The following PPIL6 variants were observed in gnomAD, a reference collection of about 807,000 sequenced individuals.
PPIL6 encodes peptidylprolyl isomerase like 6, also known as probable inactive peptidyl-prolyl cis-trans isomerase-like 6.
In PPIL6, 39 loss-of-function variants were observed where a neutral mutation model predicts 36.8. That is an observed-to-expected ratio of 1.06 (90% CI 0.82 to 1.38). The LOEUF (loss-of-function observed/expected upper bound fraction) is 1.38, where lower values mean the gene tolerates loss of function less well. Among genes scored for constraint, PPIL6 ranks in the 40% most tolerant of loss-of-function variants. The pLI is 0.00. For missense variants in PPIL6, 368 were observed against 379.1 expected, an observed-to-expected ratio of 0.97 and a Z score of 0.24; for synonymous variants, 123 against 134.1, an observed-to-expected ratio of 0.92 and a Z score of 0.57.
intron 5 of PPIL6, among the ~76,000 whole-genome samples, chr6:109,423,668 A>T (rs768112543): frequency 3.3e-5 from 5 of 151,960 alleles, no homozygotes; most frequent in Non-Finnish European, 7.4e-5. Context: ...AAACATGATC[A>T]TTTTTTGTGT....
chr6:109,423,236 C>T lies in PPIL6; in HGVS notation c.631+3611G>A, dbSNP rs541193606. On this transcript the variant is annotated intron_variant, in intron 5 of 7. Coordinates refer to ENST00000521072, the MANE Select transcript of PPIL6 (RefSeq NM_173672.5). ...AGAAAAAATTAGCTGGGCATGGTGG[C>T]GCGTGCCTGTATCCCAGTTACTCGG... Among the ~76,000 whole-genome samples, 493 of 152,056 alleles carry T rather than the reference C, an allele frequency of 3.2e-3. 5 individuals carry two copies. Among genetic ancestry groups the T allele is most frequent in the African/African-American group, 0.011 (472 of 41,466 alleles).
Position 109,413,140 on chromosome 6 carries a change from A to G in PPIL6, c.688+6047T>C, listed in dbSNP as rs1194341589. 6.6e-6 allele frequency among the ~76,000 whole-genome samples: 1 copy of G among 152,186 alleles called. No individual in the cohort carries two copies. The highest frequency in any genetic ancestry group is 1.5e-5 in the Non-Finnish European group (1 of 68,028). ...ACCACTGCATTCTATCCTGGGTGAC[A>G]GAGTGAGACTCTGTCTCAAAACAAA... On this transcript the variant is annotated intron_variant, in intron 6 of 7. Transcript: ENST00000521072. The surrounding 1 kb of genome is among the most constrained non-coding windows in gnomAD (Gnocchi z 4.6).
At chr6:109,436,958 T>C (rs1774482525) in intron 1 of PPIL6, among the ~76,000 whole-genome samples, 1 of 152,170 alleles carries the variant, frequency 6.6e-6, no homozygotes, top group African/African-American at 2.4e-5. Context: ...CTAAAATAAA[T>C]AAATAAATGT....
chr6:109,438,016 T>C (rs997674479), intron 1 of PPIL6, among the ~76,000 whole-genome samples: 2 of 152,270 alleles, frequency 1.3e-5, no homozygotes, highest in African/African-American at 4.8e-5. Flanking sequence ...TCCTATTCTC[T>C]ACAAATTTCA....
intron 1 of PPIL6, among the ~76,000 whole-genome samples, chr6:109,439,082 T>G (rs1774628624): frequency 6.6e-6 from 1 of 152,134 alleles, no homozygotes; most frequent in Non-Finnish European, 1.5e-5. Flanking sequence ...CCTAACATAT[T>G]TACTATCTGG....
intron 1 of PPIL6, among the ~76,000 whole-genome samples, chr6:109,438,664 C>T (rs536567106): frequency 1.3e-5 from 2 of 152,114 alleles, no homozygotes; most frequent in African/African-American, 4.8e-5. Context: ...TCTCAGCTCA[C>T]CGAAACCTCC....
At chr6:109,425,868 T>C (rs571891394) in intron 5 of PPIL6, among the ~76,000 whole-genome samples, 18 of 152,108 alleles carry the variant, frequency 1.2e-4, no homozygotes, top group African/African-American at 4.3e-4. Context: ...TGTTTTATAC[T>C]AACAAAAAAT....
intron 2 of PPIL6, among the ~76,000 whole-genome samples, chr6:109,432,896 T>C (rs2115282751): frequency 6.6e-6 from 1 of 152,306 alleles, no homozygotes; most frequent in South Asian, 2.1e-4. Flanking sequence ...GCAGATTTAA[T>C]ATCCTATTGC....
In PPIL6 at chr6:109,431,359, G is replaced by GTA; in HGVS notation, c.232-15_232-14insTA. On this transcript the variant is annotated splice_polypyrimidine_tract_variant and intron_variant, in intron 2 of 7. Coordinates refer to ENST00000521072, the MANE Select transcript of PPIL6 (RefSeq NM_173672.5). ...ATTTTTGAGTTCCTGTAAGGGAAAA[G>GTA]GACAAAAAAAAAAAAAAACGTAAGA... 3 of 1,223,798 alleles carry GTA rather than the reference G, an allele frequency of 2.5e-6. No homozygotes were observed. The highest frequency in any genetic ancestry group is 3.2e-6 in the Non-Finnish European group (3 of 946,858). The allele number at this position is 1,223,798 out of a possible 1,614,324, so 75.8% of individuals were successfully genotyped here.
At chr6:109,395,650 G>A (rs1382747740) in intron 7 of PPIL6, among the ~76,000 whole-genome samples, 2 of 149,044 alleles carry the variant, frequency 1.3e-5, no homozygotes, top group African/African-American at 5.0e-5. Flanking sequence ...CTGTCGCCAG[G>A]CTGGAGTACA....
intron 2 of PPIL6, among the ~76,000 whole-genome samples, chr6:109,434,850 T>TA (rs1206479300): frequency 2.0e-5 from 3 of 152,202 alleles, no homozygotes; most frequent in Admixed American, 6.5e-5. Flanking sequence ...GATGCCACCT[T>TA]AGCATTCTTC....
chr6:109,407,025 T>C (rs183259153), intron 6 of PPIL6, among the ~76,000 whole-genome samples: 2 of 152,318 alleles, frequency 1.3e-5, no homozygotes, highest in South Asian at 2.1e-4. Flanking sequence ...ATTTTGTAGA[T>C]TTCCCCCGTG....
chr6:109,405,651 T>A (rs1772769713), intron 6 of PPIL6, among the ~76,000 whole-genome samples: 1 of 152,152 alleles, frequency 6.6e-6, no homozygotes, highest in African/African-American at 2.4e-5. Flanking sequence ...TCTTCCACCA[T>A]GAGAAACACT....
chr6:109,437,671 C>T (rs1774528756), intron 1 of PPIL6, among the ~76,000 whole-genome samples: 2 of 151,148 alleles, frequency 1.3e-5, no homozygotes, highest in Admixed American at 1.3e-4. Flanking sequence ...TCTCCTACCT[C>T]AGCCTCCCAA....
chr6:109,428,105 T>C (rs1383158251), intron 3 of PPIL6, among the ~76,000 whole-genome samples: 2 of 152,232 alleles, frequency 1.3e-5, no homozygotes, highest in Non-Finnish European at 2.9e-5. Context: ...TTGTCTTCAC[T>C]TGATATCCTT....
chr6:109,437,231 G>C (rs1415248841), intron 1 of PPIL6, among the ~76,000 whole-genome samples: 1 of 152,200 alleles, frequency 6.6e-6, no homozygotes, highest in Non-Finnish European at 1.5e-5. Context: ...TTTTCTGAGT[G>C]GGTTTGGGAA....
intron 2 of PPIL6, among the ~76,000 whole-genome samples, chr6:109,432,082 A>C (rs1562273449): frequency 2.6e-5 from 4 of 152,220 alleles, no homozygotes. Flanking sequence ...ATACCTGTTA[A>C]TATATTAACT....
intron 7 of PPIL6, among the ~76,000 whole-genome samples, chr6:109,396,385 A>G (rs1311106491): frequency 6.6e-6 from 1 of 152,176 alleles, no homozygotes; most frequent in African/African-American, 2.4e-5. Flanking sequence ...TGGCACCCGC[A>G]GTCCATTGGG....
chr6:109,403,252 T>C (rs1159598085), intron 6 of PPIL6: 5 of 465,822 alleles, frequency 1.1e-5, no homozygotes, highest in Middle Eastern at 5.6e-4. Context: ...ACTACAGGTG[T>C]GTGCTACCAC....
Sources: allele counts gnomAD v4.1 joint callset (sites outside exome capture counted in the v4.1 genomes callset), GRCh38; gene constraint gnomAD v4.1.1; non-coding constraint Gnocchi (gnomAD v3.1); transcripts MANE v1.5; gene names NCBI Gene and HGNC (gene_info 2026-07-23, HGNC 2026-07-21).